DYNC2H1: variants seen among roughly 807,000 people sequenced by gnomAD.
The protein encoded by DYNC2H1 is cytoplasmic dynein 2 heavy chain 1.
DYNC2H1 carries 410 observed loss-of-function variants against 570.0 expected under a neutral mutation model. The observed-to-expected ratio is 0.72, with a 90% CI of 0.66 to 0.78. DYNC2H1 has a LOEUF of 0.78. Ranked by LOEUF, DYNC2H1 falls within the 30% of genes least tolerant of loss-of-function variation. DYNC2H1 has a pLI of 0.00. For missense variants in DYNC2H1, 4,865 were observed against 5,046.4 expected, an observed-to-expected ratio of 0.96 and a Z score of 1.09; for synonymous variants, 1,688 against 1,677.6, an observed-to-expected ratio of 1.01 and a Z score of -0.15.
chr11:103,260,379 T>C (rs1360519788), intron 70 of DYNC2H1, among the ~76,000 whole-genome samples: 1 of 152,216 alleles, frequency 6.6e-6, no homozygotes, highest in Non-Finnish European at 1.5e-5. Context: ...CCTTCCAGCA[T>C]TCCTTCCCAT....
chr11:103,159,124 C>T, intron 28 of DYNC2H1, 97 bp downstream of exon 28: 1 of 881,356 alleles, frequency 1.1e-6, no homozygotes, highest in Non-Finnish European at 1.8e-6. Flanking sequence ...ATACAGCAGT[C>T]AGTTCATATA....
At chr11:103,354,914 G>A (rs1376388880) in intron 82 of DYNC2H1, among the ~76,000 whole-genome samples, 1 of 149,736 alleles carries the variant, frequency 6.7e-6, no homozygotes, top group African/African-American at 2.5e-5. Flanking sequence ...GAGAAGTATT[G>A]TCTTTCATCA....
intron 87 of DYNC2H1, among the ~76,000 whole-genome samples, chr11:103,466,023 CTATTAT>C (rs1351961090): frequency 6.6e-6 from 1 of 152,054 alleles, no homozygotes; most frequent in East Asian, 1.9e-4. Context: ...CTGTGTCACA[CTATTAT>C]TATTGTTATC....
chr11:103,450,079 G>T (rs1353680668), intron 85 of DYNC2H1, among the ~76,000 whole-genome samples: 7 of 152,128 alleles, frequency 4.6e-5, no homozygotes, highest in Admixed American at 4.6e-4. Flanking sequence ...AGCAAAATAG[G>T]TGTCCCAGCA....
chr11:103,291,219 C>T (rs1316106447), intron 75 of DYNC2H1, among the ~76,000 whole-genome samples: 1 of 152,124 alleles, frequency 6.6e-6, no homozygotes. Flanking sequence ...GGGCAGATCA[C>T]CTGAGGTCGG....
chr11:103,453,855 A>T (rs1565612717), intron 85 of DYNC2H1, among the ~76,000 whole-genome samples: 1 of 151,882 alleles, frequency 6.6e-6, no homozygotes, highest in African/African-American at 2.4e-5. Flanking sequence ...AAATTAGCAG[A>T]TAATTTAATA....
intron 84 of DYNC2H1, among the ~76,000 whole-genome samples, chr11:103,420,583 TAAAG>T (rs771828657): frequency 6.6e-5 from 10 of 152,172 alleles, no homozygotes; most frequent in African/African-American, 2.4e-4. Context: ...TCAACATTCT[TAAAG>T]AAAAGAATAT....
chr11:103,176,660 C>T (rs1305129680), intron 37 of DYNC2H1, among the ~76,000 whole-genome samples: 1 of 152,008 alleles, frequency 6.6e-6, no homozygotes, highest in Non-Finnish European at 1.5e-5. Context: ...GATTCTCCTC[C>T]ACCATAAAGT....
chr11:103,435,963 C>G lies in DYNC2H1; in HGVS notation c.12387C>G (p.Ser4129Arg), dbSNP rs771629625. Residue 4129 changes from serine (S) to arginine (R), a missense_variant, in exon 85 of 89, where the codon AGC becomes AGG. This residue lies in a region of DYNC2H1 where 2,401 missense variants were observed against 2,454.6 expected (regional missense o/e 0.98). Coordinates refer to ENST00000375735, the MANE Select transcript of DYNC2H1 (RefSeq NM_001377.3). ...TGCAGTGTCCTCTCGCATGGCAGAG[C>G]AAGTGGGAAGGCCCAGAAGATCCCT... Reference protein sequence around the residue: ...LNQKCPLAWQSKWEGPEDPLQ... With the variant: ...LNQKCPLAWQRKWEGPEDPLQ... 27 of 1,612,486 alleles carry G rather than the reference C, an allele frequency of 1.7e-5. No homozygotes were observed. Among genetic ancestry groups the G allele is most frequent in the Non-Finnish European group, 2.2e-5 (26 of 1,179,100 alleles).
At chr11:103,388,147 C>T (rs2135597339) in intron 83 of DYNC2H1, among the ~76,000 whole-genome samples, 1 of 152,196 alleles carries the variant, frequency 6.6e-6, no homozygotes, top group South Asian at 2.1e-4. Flanking sequence ...ATGGAATGTT[C>T]TTCGATTTGT....
chr11:103,342,105 G>A (rs2080653805), intron 82 of DYNC2H1, among the ~76,000 whole-genome samples: 1 of 152,098 alleles, frequency 6.6e-6, no homozygotes, highest in South Asian at 2.1e-4. Context: ...CATGCTGAGA[G>A]GTGAAGCCAG....
At chr11:103,147,747 A>G in intron 18 of DYNC2H1, 25 bp from the exon 19 acceptor site, 1 of 1,444,262 alleles carries the variant, frequency 6.9e-7, no homozygotes, top group South Asian at 1.2e-5. Context: ...TTCCATGTCA[A>G]AATATGTCCA....
chr11:103,112,067 A>G (rs1228025750), intron 1 of DYNC2H1, among the ~76,000 whole-genome samples: 2 of 152,210 alleles, frequency 1.3e-5, no homozygotes, highest in African/African-American at 4.8e-5. Flanking sequence ...CTAAAGATAT[A>G]TAGGGTGGGA....
At position 103,277,619 on chromosome 11, in the gene DYNC2H1, C is replaced by T. The variant is rs146620088; in HGVS notation, c.10696-2729C>T. On this transcript the variant is annotated intron_variant, in intron 70 of 88. Coordinates refer to ENST00000375735, the MANE Select transcript of DYNC2H1 (RefSeq NM_001377.3). The surrounding 1 kb of genome is among the most constrained non-coding windows in gnomAD (Gnocchi z 4.3). ...TTTTCTCCTGCTGATAATTTTGGAC[C>T]GTGAACCCATCTTCAGTGATACTTT... Among the ~76,000 whole-genome samples the T allele has an allele frequency of 1.2e-3, 181 of 152,198 alleles. 1 individual carries two copies. The East Asian group carries it at 0.026, about 22-fold the overall frequency.
At position 103,363,249 on chromosome 11, in the gene DYNC2H1, C is replaced by G. The variant is rs1364863348; in HGVS notation, c.12156+4890C>G. Among the ~76,000 whole-genome samples the G allele has an allele frequency of 6.6e-6, 1 of 151,932 alleles. No homozygotes were observed. Among genetic ancestry groups the G allele is most frequent in the Non-Finnish European group, 1.5e-5 (1 of 67,984 alleles). ...TTAATTATTTTGAAGTAGTTTTCTC[C>G]AAAACTCAGCTTCTCTCATCTCTCC... On this transcript the variant is annotated intron_variant, in intron 83 of 88. Transcript: ENST00000375735. The surrounding 1 kb of genome is among the most constrained non-coding windows in gnomAD (Gnocchi z 5.6).
At chr11:103,258,888 G>A (rs1865163078) in intron 69 of DYNC2H1, among the ~76,000 whole-genome samples, 1 of 152,134 alleles carries the variant, frequency 6.6e-6, no homozygotes, top group Non-Finnish European at 1.5e-5. Flanking sequence ...GGAAATCCAA[G>A]TCTCAATTTC....
chr11:103,166,762 T>G (rs1591348354), intron 31 of DYNC2H1, among the ~76,000 whole-genome samples: 1 of 152,126 alleles, frequency 6.6e-6, no homozygotes, highest in African/African-American at 2.4e-5. Flanking sequence ...CTCATATTCT[T>G]TAGTTTTCAG....
chr11:103,235,236 C>T (rs1864176451), intron 61 of DYNC2H1, among the ~76,000 whole-genome samples: 1 of 151,896 alleles, frequency 6.6e-6, no homozygotes, highest in South Asian at 2.1e-4. Flanking sequence ...TATCTCTCTT[C>T]TTTCCTTTAA....
rs1858255067 is a variant in DYNC2H1, at chr11:103,114,174, T to A, written c.438T>A (p.Gly146=). 6.2e-7 allele frequency: 1 copy of A among 1,606,286 alleles called. No homozygotes were observed. ...NLLSELEAGL[G]IVLRRSDTNL... ...TGAGTGAACTAGAAGCTGGGTTGGG[T>A]ATAGTTCTACGAAGATCAGACACTA... The change falls in exon 3 of 89, where the codon GGT becomes GGA. Residue 146 remains glycine (G), a synonymous_variant. Coordinates refer to ENST00000375735, the MANE Select transcript of DYNC2H1 (RefSeq NM_001377.3).
Sources: gnomAD v4.1 joint callset for allele counts (sites outside exome capture counted in the v4.1 genomes callset) on GRCh38, gnomAD v4.1.1 for gene constraint, gnomAD v4.1.1 regional missense constraint, Gnocchi (gnomAD v3.1) non-coding constraint, MANE v1.5 for transcripts, NCBI Gene and HGNC (gene_info 2026-07-23, HGNC 2026-07-21) for gene names.